KCTD16: variants seen among roughly 807,000 people sequenced by gnomAD.
The protein encoded by KCTD16 is potassium channel tetramerization domain containing 16.
In KCTD16, 13 loss-of-function variants were observed where a neutral mutation model predicts 33.2. The observed-to-expected ratio is 0.39, with a 90% CI of 0.25 to 0.62. KCTD16 has a LOEUF of 0.62. Among genes scored for constraint, KCTD16 ranks in the 20% least tolerant of loss-of-function variants. KCTD16 has a pLI of 0.50. For missense variants in KCTD16, 441 were observed against 525.1 expected, an observed-to-expected ratio of 0.84 and a Z score of 1.57; for synonymous variants, 197 against 195.3, an observed-to-expected ratio of 1.01 and a Z score of -0.07.
chr5:144,464,002 A>C (rs1055555560), intron 3 of KCTD16, among the ~76,000 whole-genome samples: 50 of 152,210 alleles, frequency 3.3e-4, no homozygotes, highest in African/African-American at 8.9e-4. Flanking sequence ...ACAGCTGCTA[A>C]ATTTTGTCAG....
At chr5:144,278,730 C>A (rs1755514345) in intron 3 of KCTD16, among the ~76,000 whole-genome samples, 1 of 151,852 alleles carries the variant, frequency 6.6e-6, no homozygotes, top group Non-Finnish European at 1.5e-5. Context: ...ATCTCCTGAC[C>A]TCATGATCCA....
At chr5:144,439,021 C>T (rs1753641082) in intron 3 of KCTD16, among the ~76,000 whole-genome samples, 1 of 150,492 alleles carries the variant, frequency 6.6e-6, no homozygotes, top group African/African-American at 2.5e-5. Flanking sequence ...CTTCCTCGTT[C>T]TAATTTCATC....
intron 3 of KCTD16, among the ~76,000 whole-genome samples, chr5:144,403,741 G>A (rs917950154): frequency 6.6e-6 from 1 of 152,112 alleles, no homozygotes; most frequent in Non-Finnish European, 1.5e-5. Flanking sequence ...GCATCTTTGG[G>A]GAGCCACTGT....
At chr5:144,464,723 T>G (rs1241480233) in intron 3 of KCTD16, among the ~76,000 whole-genome samples, 2 of 151,622 alleles carry the variant, frequency 1.3e-5, no homozygotes, top group East Asian at 1.9e-4. Context: ...CTTCTTCTTC[T>G]TCCTATTCCT....
chr5:144,383,672 C>G (rs1752264583), intron 3 of KCTD16, among the ~76,000 whole-genome samples: 1 of 150,580 alleles, frequency 6.6e-6, no homozygotes, highest in Non-Finnish European at 1.5e-5. Context: ...CCATGAGGTA[C>G]TAGGATTAGT....
At chr5:144,458,796 T>C (rs1339431932) in intron 3 of KCTD16, among the ~76,000 whole-genome samples, 2 of 152,194 alleles carry the variant, frequency 1.3e-5, no homozygotes, top group Non-Finnish European at 2.9e-5. Context: ...GCTCTCTTCT[T>C]GCATTTCAAT....
chr5:144,199,387 A>G (rs1752998887), intron 2 of KCTD16, among the ~76,000 whole-genome samples: 1 of 152,206 alleles, frequency 6.6e-6, no homozygotes, highest in South Asian at 2.1e-4. Context: ...AACATCCCAC[A>G]GGGAATAACA....
At position 144,418,920 on chromosome 5, in the gene KCTD16, C is replaced by A. The variant is rs192083401; in HGVS notation, c.833-54740C>A. Among the ~76,000 whole-genome samples, 84 of 152,240 alleles carry A rather than the reference C, an allele frequency of 5.5e-4. 1 individual carries two copies. The East Asian group carries it at 0.013, about 24-fold the overall frequency. ...CCTAACTTTTACAACCCATTAACAT[C>A]ATGGTTATGTTTGGAACACAGAACC... is the stretch of plus-strand genomic sequence containing the variant. On this transcript the variant is annotated intron_variant, in intron 3 of 3. Transcript: ENST00000512467.
chr5:144,467,800 G>A (rs550568945), intron 3 of KCTD16, among the ~76,000 whole-genome samples: 5 of 152,192 alleles, frequency 3.3e-5, no homozygotes, highest in East Asian at 3.9e-4. Flanking sequence ...TGCATCCCTC[G>A]CAGGGAGTGT....
intron 3 of KCTD16, among the ~76,000 whole-genome samples, chr5:144,247,351 G>T (rs1350991600): frequency 6.6e-6 from 1 of 152,166 alleles, no homozygotes; most frequent in Non-Finnish European, 1.5e-5. Context: ...GGCAACTCAG[G>T]CACACAGAGA....
chr5:144,474,841 A>G lies in KCTD16; in HGVS notation c.*727A>G, dbSNP rs1415845859. ...TCTTCACAACACTTTCTAACATCAA[A>G]TGACTCTCATCATCAACAAATTGTA... is the stretch of plus-strand genomic sequence containing the variant. On this transcript the variant is annotated 3_prime_UTR_variant, in exon 4 of 4. Transcript: ENST00000512467. 4 of 152,120 alleles carry G rather than the reference A, an allele frequency of 2.6e-5. No individual in the cohort carries two copies. Among genetic ancestry groups the G allele is most frequent in the Admixed American group, 6.6e-5 (1 of 15,264 alleles). The allele number at this position is 152,120 out of a possible 1,614,324, so 9.4% of individuals were successfully genotyped here.
chr5:144,212,811 A>G (rs1385628649), intron 3 of KCTD16, among the ~76,000 whole-genome samples: 1 of 152,106 alleles, frequency 6.6e-6, no homozygotes, highest in Non-Finnish European at 1.5e-5. Context: ...AAATTTTGAA[A>G]TGTATCCAAA....
At chr5:144,338,197 T>C (rs1177528287) in intron 3 of KCTD16, among the ~76,000 whole-genome samples, 2 of 152,178 alleles carry the variant, frequency 1.3e-5, no homozygotes, top group African/African-American at 2.4e-5. Context: ...CAAGTGACTA[T>C]GATAAATTAT....
At chr5:144,209,037 C>T (rs566518103) in intron 3 of KCTD16, among the ~76,000 whole-genome samples, 1 of 152,258 alleles carries the variant, frequency 6.6e-6, no homozygotes, top group Admixed American at 6.5e-5. Flanking sequence ...ATCTATAATT[C>T]TGAAGCAGAA....
chr5:144,317,893 A>C (rs1451274618), intron 3 of KCTD16, among the ~76,000 whole-genome samples: 1 of 152,228 alleles, frequency 6.6e-6, no homozygotes, highest in African/African-American at 2.4e-5. Context: ...TGTGAAATCC[A>C]GGAGTGCAGA....
At chr5:144,383,622 A>G (rs985551065) in intron 3 of KCTD16, among the ~76,000 whole-genome samples, 3 of 151,950 alleles carry the variant, frequency 2.0e-5, no homozygotes, top group Non-Finnish European at 4.4e-5. Context: ...TAAAACTGCA[A>G]TATTTTTTCA....
At position 144,336,515 on chromosome 5, in the gene KCTD16, C is replaced by T. The variant is rs577378744; in HGVS notation, c.832+128969C>T. ...CAGCTTGAAAATACTTCAGAAACCT[C>T]TTTGCCCCTGGTCCCATGCCTGATG... On this transcript the variant is annotated intron_variant, in intron 3 of 3. Coordinates refer to ENST00000512467, the MANE Select transcript of KCTD16 (RefSeq NM_020768.4). Among the ~76,000 whole-genome samples, 4 of 152,166 alleles carry T rather than the reference C, an allele frequency of 2.6e-5. No homozygotes were observed. The South Asian group carries it at 8.3e-4, about 32-fold the overall frequency.
intron 3 of KCTD16, among the ~76,000 whole-genome samples, chr5:144,313,491 G>T (rs79160565): frequency 0.074 from 11,223 of 152,192 alleles, 486 homozygotes; most frequent in East Asian, 0.22. Flanking sequence ...GTAAGGTTTT[G>T]TTATCAGAGA....
chr5:144,200,700 G>A (rs1240821559), intron 2 of KCTD16, among the ~76,000 whole-genome samples: 1 of 152,160 alleles, frequency 6.6e-6, no homozygotes, highest in African/African-American at 2.4e-5. Context: ...CGGCACTAGG[G>A]ATATTTCTGA....
Sources: gnomAD v4.1 joint callset for allele counts (sites outside exome capture counted in the v4.1 genomes callset) on GRCh38, gnomAD v4.1.1 for gene constraint, MANE v1.5 for transcripts, NCBI Gene and HGNC (gene_info 2026-07-23, HGNC 2026-07-21) for gene names.